The following PIP5K1C variants were observed in gnomAD, a reference collection of about 807,000 sequenced individuals.
The protein encoded by PIP5K1C is phosphatidylinositol 4-phosphate 5-kinase type-1 gamma.
Under a neutral mutation model 80.1 loss-of-function variants are expected in PIP5K1C, and 45 were observed. The observed-to-expected ratio is 0.56, with a 90% CI of 0.44 to 0.72. PIP5K1C has a LOEUF of 0.72. Ranked by LOEUF, PIP5K1C falls within the 30% of genes least tolerant of loss-of-function variation. PIP5K1C has a pLI of 0.00. For synonymous variants in PIP5K1C, 498 were observed against 420.1 expected (o/e 1.19, Z -2.27); for missense variants, 753 against 954.6 (o/e 0.79, Z 2.78).
intron 6 of PIP5K1C, among the ~76,000 whole-genome samples, chr19:3,655,085 G>A (rs887072618): frequency 4.9e-5 from 6 of 122,358 alleles, no homozygotes; most frequent in Non-Finnish European, 9.6e-5. Context: ...TCCAGCCTGG[G>A]TGACAGAGCG....
At chr19:3,675,290 T>C (rs1481723774) in intron 1 of PIP5K1C, among the ~76,000 whole-genome samples, 1 of 152,188 alleles carries the variant, frequency 6.6e-6, no homozygotes, top group Admixed American at 6.5e-5. Flanking sequence ...CAGATCCCTT[T>C]AGTTGCAAAA....
rs2033490591 is a variant in PIP5K1C at position 3,632,218 on chromosome 19, C to A, written c.*949G>T. ...GACTCCTGTGGAGCCGGGCCTGGCC[C>A]CCTAGGCCATGTCTCCACGTGGAGG... On this transcript the variant is annotated 3_prime_UTR_variant, in exon 18 of 18. Coordinates refer to ENST00000335312, the MANE Select transcript of PIP5K1C (RefSeq NM_012398.3). 1 of 152,340 alleles carries A rather than the reference C, an allele frequency of 6.6e-6. No individual in the cohort carries two copies. Among genetic ancestry groups the A allele is most frequent in the Non-Finnish European group, 1.5e-5 (1 of 68,106 alleles). 9.4% of individuals were successfully genotyped at this position (152,340 alleles called of 1,614,324 possible).
chr19:3,638,975 ACTT>A lies in PIP5K1C; in HGVS notation c.1826_1828del (p.Glu609del). On this transcript the variant is annotated inframe_deletion, in exon 16 of 18. Coordinates refer to ENST00000335312, the MANE Select transcript of PIP5K1C (RefSeq NM_012398.3). ...GTCTGAGGCCTGGCTGGCAGTTTCT[ACTT>A]CAACAGCAGCAGAGGCACCGGCCGG... 6.2e-7 allele frequency: 1 copy of A among 1,611,746 alleles called. No individual in the cohort carries two copies. Among genetic ancestry groups the A allele is most frequent in the South Asian group, 1.1e-5 (1 of 91,042 alleles).
intron 6 of PIP5K1C, among the ~76,000 whole-genome samples, chr19:3,656,045 T>C (rs934037284): frequency 1.3e-5 from 2 of 152,164 alleles, no homozygotes; most frequent in African/African-American, 2.4e-5. Context: ...TTGGGCCCCT[T>C]GGGCCTCCGT....
chr19:3,653,392 G>A lies in PIP5K1C; in HGVS notation c.819C>T (p.Pro273=), dbSNP rs781553172. ...GCATGAAGTCCAGGTCCTTGTAGGT[G>A]GGGAAGCTCTTCTCCTTCTCCTTCT... ...ASKKEKEKSF[P]TYKDLDFMQD... Residue 273 remains proline (P), a synonymous_variant, in exon 7 of 18, where the codon CCC becomes CCT. Transcript: ENST00000335312. 2 of 1,613,032 alleles carry A rather than the reference G, an allele frequency of 1.2e-6. No homozygotes were observed. Among genetic ancestry groups the A allele is most frequent in the Admixed American group, 1.7e-5 (1 of 60,018 alleles).
chr19:3,693,578 C>T (rs773794988), intron 1 of PIP5K1C, among the ~76,000 whole-genome samples: 2 of 152,216 alleles, frequency 1.3e-5, no homozygotes, highest in African/African-American at 2.4e-5. Flanking sequence ...AGGCGGCAGG[C>T]GGCAGGCGGC....
chr19:3,688,126 C>T lies in PIP5K1C; in HGVS notation c.94+12171G>A, dbSNP rs2035826329. Among the ~76,000 whole-genome samples, 1 of 152,158 alleles carries T rather than the reference C, an allele frequency of 6.6e-6. No homozygotes were observed. The highest frequency in any genetic ancestry group is 1.5e-5 in the Non-Finnish European group (1 of 68,002). ...GGCTGCGGGAGATCCTGATGGGCCC[C>T]GAGCTGAGGCTCCCGCAGCCAGGGT... On this transcript the variant is annotated intron_variant, in intron 1 of 17. Transcript: ENST00000335312. The surrounding 1 kb of genome is among the most constrained non-coding windows in gnomAD (Gnocchi z 5.3).
rs868215197 is a variant in PIP5K1C, at chr19:3,662,061, T to C, written c.220-60A>G. On this transcript the variant is annotated intron_variant, in intron 3 of 17. Coordinates refer to ENST00000335312, the MANE Select transcript of PIP5K1C (RefSeq NM_012398.3). ...GCTCCCCACGCTGCCCTGCACCCCCTGTGTGCACCGGGGGGTGGAGATCGT... is the reference window on the plus strand; with the variant it reads ...GCTCCCCACGCTGCCCTGCACCCCCCGTGTGCACCGGGGGGTGGAGATCGT... The C allele has an allele frequency of 1.1e-4, 165 of 1,523,292 alleles. No homozygotes were observed. The Middle Eastern group carries it at 4.2e-3, about 39-fold the overall frequency. The allele number at this position is 1,523,292 out of a possible 1,614,324, so 94.4% of individuals were successfully genotyped here.
At chr19:3,689,924 T>G (rs973687360) in intron 1 of PIP5K1C, among the ~76,000 whole-genome samples, 1 of 152,178 alleles carries the variant, frequency 6.6e-6, no homozygotes, top group East Asian at 1.9e-4. Flanking sequence ...AGGTCTTCAC[T>G]GTAGCATTCT....
intron 1 of PIP5K1C, among the ~76,000 whole-genome samples, chr19:3,690,978 A>G (rs1443012606): frequency 2.0e-5 from 3 of 152,076 alleles, no homozygotes; most frequent in Non-Finnish European, 4.4e-5. Context: ...TGGTGGGGAC[A>G]CTCCATTTTC....
In PIP5K1C at chr19:3,632,468, C is replaced by G. The variant is rs2033497709; in HGVS notation, c.*699G>C. ...GCCTGGCCCTCCAGCTGTGGTGGGT[C>G]TGGATTGGAGGCGCCAGAGGTTTTT... On this transcript the variant is annotated 3_prime_UTR_variant, in exon 18 of 18. Transcript: ENST00000335312. 6.6e-6 allele frequency: 1 copy of G among 152,412 alleles called. No individual in the cohort carries two copies. Among genetic ancestry groups the G allele is most frequent in the Non-Finnish European group, 1.5e-5 (1 of 68,212 alleles). The allele number at this position is 152,412 out of a possible 1,614,324, so 9.4% of individuals were successfully genotyped here.
rs2035978848 is a variant in PIP5K1C, at chr19:3,692,499, C to T, written c.94+7798G>A. 6.6e-6 allele frequency among the ~76,000 whole-genome samples: 1 copy of T among 152,180 alleles called. No homozygotes were observed. ...ATTTCAAACTCAATCCCCCCTCAGC[C>T]CCACACTCAACCTTCAAAAGGTCCT... On this transcript the variant is annotated intron_variant, in intron 1 of 17. Coordinates refer to ENST00000335312, the MANE Select transcript of PIP5K1C (RefSeq NM_012398.3). This position sits in a 1 kb window ranked among gnomAD's most constrained non-coding sequence, Gnocchi z 5.2.
rs185782357 is a variant in PIP5K1C at position 3,639,904 on chromosome 19, C to T, written c.1788-888G>A. 1.9e-3 allele frequency among the ~76,000 whole-genome samples: 289 copies of T among 152,314 alleles called. 2 individuals are homozygous for T. The highest frequency in any genetic ancestry group is 6.7e-3 in the African/African-American group (277 of 41,562). The stretch of plus-strand genomic sequence containing the variant: ...GGCCTTGGCCTTGGCTATGGCCACA[C>T]GGTGCATCGTGTTCATCCCAGGAAT... On this transcript the variant is annotated intron_variant, in intron 15 of 17. Transcript: ENST00000335312.
At chr19:3,664,752 C>T (rs1425182570) in intron 3 of PIP5K1C, 70 bp downstream of exon 3, 2 of 1,277,296 alleles carry the variant, frequency 1.6e-6, no homozygotes, top group African/African-American at 2.9e-5. Flanking sequence ...CCCATCCATG[C>T]TACCAGTGGG....
intron 15 of PIP5K1C, 134 bp from the exon 16 acceptor site, chr19:3,639,150 C>T (rs2145384056): frequency 9.7e-7 from 1 of 1,032,528 alleles, no homozygotes; most frequent in East Asian, 2.5e-5. Flanking sequence ...TGACCACAGG[C>T]CGCGCGCTCC....
intron 16 of PIP5K1C, among the ~76,000 whole-genome samples, 157 bp from the exon 17 acceptor site, chr19:3,633,677 C>T (rs986647181): frequency 1.3e-5 from 2 of 152,132 alleles, no homozygotes; most frequent in South Asian, 4.1e-4. Flanking sequence ...CTCTCTGACC[C>T]GGTGGACTTG....
intron 5 of PIP5K1C, 120 bp from the exon 6 acceptor site, chr19:3,656,677 G>A (rs993206651): frequency 3.9e-5 from 44 of 1,140,448 alleles, no homozygotes; most frequent in Non-Finnish European, 4.9e-5. Context: ...TTACAGATGC[G>A]GAAAGAGAGG....
intron 1 of PIP5K1C, among the ~76,000 whole-genome samples, chr19:3,673,274 T>C (rs2035267284): frequency 6.6e-6 from 1 of 152,040 alleles, no homozygotes; most frequent in African/African-American, 2.4e-5. Flanking sequence ...TTTGTTCCTG[T>C]TTCACCCCAG....
intron 8 of PIP5K1C, among the ~76,000 whole-genome samples, chr19:3,651,034 G>C (rs968912930): frequency 6.6e-6 from 1 of 150,538 alleles, no homozygotes; most frequent in African/African-American, 2.5e-5. Context: ...GGGATTACAG[G>C]TGTGAGCCAC....
Sources: gnomAD v4.1 joint callset for allele counts (sites outside exome capture counted in the v4.1 genomes callset) on GRCh38, gnomAD v4.1.1 for gene constraint, Gnocchi (gnomAD v3.1) non-coding constraint, MANE v1.5 for transcripts, NCBI Gene and HGNC (gene_info 2026-07-23, HGNC 2026-07-21) for gene names.